Variants in SNTG1 observed in about 807,000 individuals in gnomAD.
SNTG1 encodes the protein syntrophin gamma 1, also known as gamma-1-syntrophin.
In SNTG1, 39 loss-of-function variants were observed where a neutral mutation model predicts 74.7. The ratio of observed to expected loss-of-function variants is 0.52; its 90% CI spans 0.40 to 0.68. SNTG1 has a LOEUF of 0.68. Ranked by LOEUF, SNTG1 falls within the 30% of genes least tolerant of loss-of-function variation. The pLI, the probability that SNTG1 is intolerant of heterozygous loss-of-function variation, is 0.00. For synonymous variants in SNTG1, 254 were observed against 217.1 expected, an observed-to-expected ratio of 1.17 and a Z score of -1.49; for missense variants, 685 against 609.5, an observed-to-expected ratio of 1.12 and a Z score of -1.30.
At chr8:49,937,169 T>C (rs1018765850) in intron 1 of SNTG1, among the ~76,000 whole-genome samples, 1 of 151,062 alleles carries the variant, frequency 6.6e-6, no homozygotes, top group Non-Finnish European at 1.5e-5. Context: ...AACAAACAAA[T>C]AAACAAACCC....
chr8:50,549,411 G>A (rs2094410305), intron 11 of SNTG1, among the ~76,000 whole-genome samples: 1 of 152,030 alleles, frequency 6.6e-6, no homozygotes, highest in African/African-American at 2.4e-5. Flanking sequence ...TCAAGTAAAT[G>A]AGTCAATGTT....
intron 2 of SNTG1, among the ~76,000 whole-genome samples, chr8:50,234,078 A>G (rs757994390): frequency 6.6e-6 from 1 of 151,982 alleles, no homozygotes; most frequent in Non-Finnish European, 1.5e-5. Flanking sequence ...ATAAAAATTC[A>G]TGCTTACACA....
intron 1 of SNTG1, among the ~76,000 whole-genome samples, chr8:49,958,685 C>T (rs1447521594): frequency 1.3e-5 from 2 of 152,222 alleles, no homozygotes; most frequent in African/African-American, 2.4e-5. Flanking sequence ...TCCCAAAGTG[C>T]TGGGATTACA....
chr8:50,488,712 G>A (rs1427454605), intron 8 of SNTG1, among the ~76,000 whole-genome samples: 1 of 152,090 alleles, frequency 6.6e-6, no homozygotes, highest in African/African-American at 2.4e-5. Context: ...CGGGTTCCAA[G>A]AGCCCAGCAT....
At chr8:50,551,819 T>C (rs550518774) in intron 11 of SNTG1, among the ~76,000 whole-genome samples, 1 of 152,280 alleles carries the variant, frequency 6.6e-6, no homozygotes, top group South Asian at 2.1e-4. Context: ...TAAAATGCTG[T>C]GTCCAAGATA....
chr8:50,374,140 A>G (rs556046641), intron 2 of SNTG1, among the ~76,000 whole-genome samples: 1 of 152,356 alleles, frequency 6.6e-6, no homozygotes, highest in African/African-American at 2.4e-5. Context: ...ATTCTGCCAC[A>G]ATTTTCACTG....
intron 13 of SNTG1, among the ~76,000 whole-genome samples, chr8:50,624,326 A>C (rs909849085): frequency 7.2e-6 from 1 of 138,772 alleles, no homozygotes; most frequent in African/African-American, 3.4e-5. Context: ...AAAACAAAAA[A>C]AAAAATTATA....
At chr8:50,224,637 A>G (rs2085237905) in intron 2 of SNTG1, among the ~76,000 whole-genome samples, 1 of 152,164 alleles carries the variant, frequency 6.6e-6, no homozygotes, top group Non-Finnish European at 1.5e-5. Flanking sequence ...AGCTAAGGGC[A>G]TTTTAAGGTA....
chr8:50,240,820 T>C (rs2086132939), intron 2 of SNTG1, among the ~76,000 whole-genome samples: 2 of 152,218 alleles, frequency 1.3e-5, no homozygotes, highest in South Asian at 2.1e-4. Flanking sequence ...TATGCTTAAA[T>C]AATTTTGATT....
chr8:50,236,607 C>T (rs1470094667), intron 2 of SNTG1, among the ~76,000 whole-genome samples: 2 of 151,966 alleles, frequency 1.3e-5, no homozygotes, highest in African/African-American at 4.8e-5. Context: ...CCCGCCACTG[C>T]GCCCGGCTAA....
chr8:50,708,053 T>G, intron 16 of SNTG1: 1 of 246,866 alleles, frequency 4.1e-6, no homozygotes, highest in Non-Finnish European at 7.7e-6. Context: ...ATACAAAAAT[T>G]AGCCAGGCAC....
At chr8:50,789,801 C>G (rs2095686052) in intron 18 of SNTG1, among the ~76,000 whole-genome samples, 1 of 152,008 alleles carries the variant, frequency 6.6e-6, no homozygotes, top group African/African-American at 2.4e-5. Flanking sequence ...CCTGTCACTC[C>G]TCTGCTCAAA....
At chr8:50,773,311 A>G (rs919561932) in intron 18 of SNTG1, among the ~76,000 whole-genome samples, 1 of 152,128 alleles carries the variant, frequency 6.6e-6, no homozygotes, top group Non-Finnish European at 1.5e-5. Context: ...ATTCCTGAGA[A>G]CCTAGAAGGG....
chr8:50,370,057 G>A (rs1456403965), intron 2 of SNTG1, among the ~76,000 whole-genome samples: 1 of 152,166 alleles, frequency 6.6e-6, no homozygotes, highest in East Asian at 1.9e-4. Context: ...GCAAGGATCT[G>A]AGTACTATGT....
At chr8:50,066,029 A>G (rs1460151201) in intron 1 of SNTG1, among the ~76,000 whole-genome samples, 3 of 152,194 alleles carry the variant, frequency 2.0e-5, no homozygotes, top group African/African-American at 7.2e-5. Flanking sequence ...AGCCTGGCCA[A>G]CATGGTGAAA....
chr8:50,787,070 T>C (rs971447459), intron 18 of SNTG1, among the ~76,000 whole-genome samples: 1 of 151,798 alleles, frequency 6.6e-6, no homozygotes, highest in Non-Finnish European at 1.5e-5. Context: ...GGCAGAAACA[T>C]TTTCAAATCA....
At chr8:50,553,309 G>C (rs779964858) in intron 12 of SNTG1, 130 bp downstream of exon 12, 18 of 1,209,274 alleles carry the variant, frequency 1.5e-5, no homozygotes, top group Non-Finnish European at 2.0e-5. Flanking sequence ...AGCTATTCTG[G>C]AATACTTATT....
chr8:50,561,944 C>T (rs1333524399), intron 12 of SNTG1, among the ~76,000 whole-genome samples: 3 of 152,112 alleles, frequency 2.0e-5, no homozygotes, highest in African/African-American at 7.2e-5. Flanking sequence ...ACTGTCATTC[C>T]TTAGGGTCAA....
chr8:49,999,193 TA>T (rs1002624421), intron 1 of SNTG1, among the ~76,000 whole-genome samples: 4 of 152,186 alleles, frequency 2.6e-5, no homozygotes, highest in African/African-American at 9.6e-5. Context: ...TATCCAAACC[TA>T]ATACTTGATT....
Sources: gnomAD v4.1 joint callset for allele counts (sites outside exome capture counted in the v4.1 genomes callset) on GRCh38, gnomAD v4.1.1 for gene constraint, MANE v1.5 for transcripts, NCBI Gene and HGNC (gene_info 2026-07-23, HGNC 2026-07-21) for gene names.